The following CCDC30 variants were observed in gnomAD, a reference collection of about 807,000 sequenced individuals.
CCDC30 encodes the protein coiled-coil domain-containing protein 30.
CCDC30 carries 70 observed loss-of-function variants against 100.2 expected under a neutral mutation model. The observed-to-expected ratio is 0.70, with a 90% confidence interval of 0.58 to 0.85. CCDC30 has a LOEUF of 0.85. CCDC30 is among the 40% of genes least tolerant of loss of function. The pLI is 0.00. For synonymous variants in CCDC30, 233 were observed against 269.5 expected, an observed-to-expected ratio of 0.86 and a Z score of 1.33; for missense variants, 652 against 771.2, an observed-to-expected ratio of 0.85 and a Z score of 1.83.
At chr1:42,566,396 A>G in exon 7 of CCDC30, 1 of 1,614,050 alleles carries the variant, frequency 6.2e-7, no homozygotes, top group Non-Finnish European at 8.5e-7. Context: ...AACTCAGCTG[A>G]AAATGAGCTT....
Position 42,482,898 on chromosome 1 carries a change from A to G in CCDC30, c.169+82A>G, listed in dbSNP as rs564067333. 2.4e-5 allele frequency: 22 copies of G among 919,478 alleles called. No homozygotes were observed. In the African/African-American group the frequency reaches 3.3e-4, roughly 14 times the overall value. The allele number at this position is 919,478 out of a possible 1,614,324, so 57.0% of individuals were successfully genotyped here. A position where few individuals can be genotyped will look rare whatever the true frequency, so the allele number is the denominator to read the frequency against. ...TCTCAGGGTGGAACATGAGAAAAAA[A>G]AAAAACACTGAGAAACAAGTCTTTA... On this transcript the variant is annotated intron_variant, in intron 3 of 16. Coordinates refer to ENST00000668663, the Ensembl canonical transcript of CCDC30.
At chr1:42,552,612 A>G (rs1645276186) in intron 6 of CCDC30, among the ~76,000 whole-genome samples, 1 of 152,182 alleles carries the variant, frequency 6.6e-6, no homozygotes, top group African/African-American at 2.4e-5. Flanking sequence ...AAATTTTAAA[A>G]AAAATTATTT....
intron 10 of CCDC30, among the ~76,000 whole-genome samples, chr1:42,599,923 T>C (rs1646368836): frequency 6.6e-6 from 1 of 152,114 alleles, no homozygotes; most frequent in African/African-American, 2.4e-5. Flanking sequence ...CTTACAATTA[T>C]GGCAGAAGGT....
intron 1 of CCDC30, among the ~76,000 whole-genome samples, chr1:42,480,037 C>G (rs561356645): frequency 2.0e-5 from 3 of 151,992 alleles, no homozygotes; most frequent in Non-Finnish European, 4.4e-5. Context: ...GATGGCTAGG[C>G]TTTTTTGGGG....
chr1:42,592,297 T>A (rs1210873668), intron 10 of CCDC30: 4 of 152,228 alleles, frequency 2.6e-5, no homozygotes, highest in Admixed American at 1.3e-4. Context: ...TAATCCCCGT[T>A]GTTGGAGGTT....
chr1:42,536,633 C>T (rs1644910633), intron 6 of CCDC30, 32 bp downstream of exon 7: 1 of 1,410,920 alleles, frequency 7.1e-7, no homozygotes, highest in Admixed American at 1.8e-5. Flanking sequence ...TTTTCTTCTT[C>T]TTGTAGTTCT....
At chr1:42,530,773 A>G (rs1644793540) in intron 6 of CCDC30, among the ~76,000 whole-genome samples, 1 of 152,220 alleles carries the variant, frequency 6.6e-6, no homozygotes, top group Non-Finnish European at 1.5e-5. Flanking sequence ...GTAAAATACT[A>G]TACCATCTTA....
At chr1:42,634,810 T>C (rs1374614000) in intron 11 of CCDC30, among the ~76,000 whole-genome samples, 1 of 152,194 alleles carries the variant, frequency 6.6e-6, no homozygotes, top group Non-Finnish European at 1.5e-5. Flanking sequence ...TTTATCAACC[T>C]AAAAGAAACC....
At chr1:42,586,011 T>C (rs1275222671) in intron 9 of CCDC30, among the ~76,000 whole-genome samples, 1 of 152,230 alleles carries the variant, frequency 6.6e-6, no homozygotes, top group Non-Finnish European at 1.5e-5. Flanking sequence ...CAATGAAGTA[T>C]GATGAAGTGT....
the CCDC30 span, chr1:42,456,569 G>T: frequency 7.1e-5 from 105 of 1,478,544 alleles, 1 homozygote; most frequent in Non-Finnish European, 9.2e-5. Flanking sequence ...GCTGCAGATG[G>T]CGGAAATGGA....
downstream of CCDC30, among the ~76,000 whole-genome samples, chr1:42,655,999 C>T (rs1312197108): frequency 6.6e-6 from 1 of 151,350 alleles, no homozygotes; most frequent in Non-Finnish European, 1.5e-5. Context: ...CAGCCTCTCC[C>T]AAGTACAGGC....
rs374327634 is a variant in CCDC30 at position 42,650,814 on chromosome 1, G to A, written c.1855-2562G>A. Among the ~76,000 whole-genome samples the A allele has an allele frequency of 7.2e-5, 11 of 151,874 alleles. No homozygotes were observed. The East Asian group carries it at 1.6e-3, about 22-fold the overall frequency. ...GCTAATTCTTTAAATTTTTTGTAGC[G>A]ATGGGGTCTTGTCATGTTGCCCAGG... On this transcript the variant is annotated intron_variant, in intron 15 of 16. Transcript: ENST00000668663.
At chr1:42,526,821 G>A (rs1474861759) in intron 6 of CCDC30, among the ~76,000 whole-genome samples, 2 of 152,046 alleles carry the variant, frequency 1.3e-5, no homozygotes, top group Non-Finnish European at 2.9e-5. Flanking sequence ...ACATAAGATA[G>A]TTTGTCTTAT....
At chr1:42,568,070 T>C (rs1645645156) in intron 7 of CCDC30, among the ~76,000 whole-genome samples, 1 of 152,194 alleles carries the variant, frequency 6.6e-6, no homozygotes, top group Admixed American at 6.5e-5. Context: ...ATGAAAGTTA[T>C]ATATGATGAG....
chr1:42,547,794 T>C (rs1284699615), intron 6 of CCDC30, among the ~76,000 whole-genome samples: 1 of 152,196 alleles, frequency 6.6e-6, no homozygotes, highest in Non-Finnish European at 1.5e-5. Flanking sequence ...GGCAAGACAT[T>C]GTGTATCTAC....
At chr1:42,499,230 G>A (rs912213912) in intron 6 of CCDC30, among the ~76,000 whole-genome samples, 5 of 152,156 alleles carry the variant, frequency 3.3e-5, no homozygotes, top group East Asian at 3.8e-4. Flanking sequence ...AGTGTGTACA[G>A]TGTCTACTAT....
chr1:42,642,082 C>T (rs974180194), intron 12 of CCDC30, among the ~76,000 whole-genome samples: 11 of 151,740 alleles, frequency 7.2e-5, no homozygotes, highest in South Asian at 4.2e-4. Flanking sequence ...AAAACTTAGC[C>T]GGGCGTAGTG....
intron 4 of CCDC30, among the ~76,000 whole-genome samples, chr1:42,493,255 A>G (rs1644175213): frequency 6.6e-6 from 1 of 152,044 alleles, no homozygotes; most frequent in Non-Finnish European, 1.5e-5. Context: ...AATTAAATCC[A>G]AGGCATGCAG....
In CCDC30 at chr1:42,480,956, T is replaced by C. The variant is rs536744126; in HGVS notation, c.15+390T>C. On this transcript the variant is annotated intron_variant, in intron 2 of 16. Transcript: ENST00000668663. ...GTAACATAGTGAGACTCAGTTTCTATGAAAAATAAAAAAAAATTAGCTGGG... is the reference window on the plus strand; with the variant it reads ...GTAACATAGTGAGACTCAGTTTCTACGAAAAATAAAAAAAAATTAGCTGGG... 1.8e-4 allele frequency among the ~76,000 whole-genome samples: 27 copies of C among 151,076 alleles called. 1 individual carries two copies. The highest frequency in any genetic ancestry group is 3.4e-4 in the African/African-American group (14 of 41,146).
Sources: allele counts gnomAD v4.1 joint callset (sites outside exome capture counted in the v4.1 genomes callset), GRCh38; gene constraint gnomAD v4.1.1; transcripts MANE v1.5; gene names NCBI Gene and HGNC (gene_info 2026-07-23, HGNC 2026-07-21).